The following DLGAP2 variants were observed in gnomAD, a reference collection of about 807,000 sequenced individuals.
DLGAP2 encodes DLG associated protein 2.
A neutral mutation model predicts 100.3 loss-of-function variants in DLGAP2; 26 were observed. That is an observed-to-expected ratio of 0.26 (90% CI 0.19 to 0.36). The LOEUF (loss-of-function observed/expected upper bound fraction) is 0.36, where lower values mean the gene tolerates loss of function less well. Ranked by LOEUF, DLGAP2 falls within the 10% of genes least tolerant of loss-of-function variation. The pLI, the probability that DLGAP2 is intolerant of heterozygous loss-of-function variation, is 1.00. For missense variants in DLGAP2, 1,858 were observed against 1,453.2 expected (o/e 1.28, Z -4.53); for synonymous variants, 886 against 630.1 (o/e 1.41, Z -6.08).
intron 1 of DLGAP2, among the ~76,000 whole-genome samples, chr8:830,347 A>G (rs1277611439): frequency 6.6e-6 from 1 of 152,184 alleles, no homozygotes; most frequent in Non-Finnish European, 1.5e-5. Flanking sequence ...GTACAATTAC[A>G]TTATTAAACT....
At chr8:1,201,579 G>GT (rs1797875062) in intron 2 of DLGAP2, among the ~76,000 whole-genome samples, 1 of 152,210 alleles carries the variant, frequency 6.6e-6, no homozygotes, top group Admixed American at 6.5e-5. Context: ...CACCCAGTGT[G>GT]TGGTCACCGG....
At chr8:968,566 C>A (rs943771367) in intron 2 of DLGAP2, among the ~76,000 whole-genome samples, 1 of 152,222 alleles carries the variant, frequency 6.6e-6, no homozygotes, top group Non-Finnish European at 1.5e-5. Flanking sequence ...CTAGCCTCCC[C>A]TGGTGGCGGC....
At chr8:1,445,119 G>C (rs1204694363) in intron 3 of DLGAP2, among the ~76,000 whole-genome samples, 1 of 150,132 alleles carries the variant, frequency 6.7e-6, no homozygotes, top group East Asian at 2.0e-4. Context: ...CTAAGTTTTA[G>C]GGTACATGTG....
intron 12 of DLGAP2, among the ~76,000 whole-genome samples, chr8:1,679,915 G>A (rs1585056824): frequency 6.9e-6 from 1 of 145,214 alleles, no homozygotes; most frequent in East Asian, 2.2e-4. Flanking sequence ...GGGAGGCAGA[G>A]GTTGCAGTGA....
rs1443714992 is a variant in DLGAP2 at position 1,018,228 on chromosome 8, A to T, written c.73+110262A>T. On this transcript the variant is annotated intron_variant, in intron 2 of 14. Coordinates refer to ENST00000637795, the MANE Select transcript of DLGAP2 (RefSeq NM_001346810.2). Reference sequence around the variant, plus strand: ...CTCCGTCCTCAGCTTGTCCCTGCTCAATCAGATGCGTTATCCCAGACTCTG... The same window carrying T: ...CTCCGTCCTCAGCTTGTCCCTGCTCTATCAGATGCGTTATCCCAGACTCTG... 2.0e-5 allele frequency among the ~76,000 whole-genome samples: 3 copies of T among 152,182 alleles called. No homozygotes were observed. The East Asian group carries it at 5.8e-4, about 30-fold the overall frequency.
intron 4 of DLGAP2, among the ~76,000 whole-genome samples, chr8:1,513,596 T>A (rs955795216): frequency 6.6e-6 from 1 of 152,216 alleles, no homozygotes; most frequent in South Asian, 2.1e-4. Context: ...AGCATTGAAT[T>A]TCTAACCTAA....
At chr8:983,080 G>T (rs1163252076) in intron 2 of DLGAP2, among the ~76,000 whole-genome samples, 1 of 152,108 alleles carries the variant, frequency 6.6e-6, no homozygotes, top group Non-Finnish European at 1.5e-5. Context: ...ATCAGGGCAG[G>T]GTGAACTTAC....
At chr8:897,603 C>T (rs546001615) in intron 1 of DLGAP2, among the ~76,000 whole-genome samples, 3 of 152,270 alleles carry the variant, frequency 2.0e-5, no homozygotes, top group South Asian at 2.1e-4. Flanking sequence ...CGAAGGGCTG[C>T]GTCTCACTCC....
At chr8:1,628,717 G>A (rs1362521124) in intron 7 of DLGAP2, among the ~76,000 whole-genome samples, 3 of 150,562 alleles carry the variant, frequency 2.0e-5, no homozygotes, top group African/African-American at 7.4e-5. Flanking sequence ...TGTGGAGCAG[G>A]AATTAAGAGC....
At chr8:1,685,018 A>C (rs1003184848) in intron 12 of DLGAP2, among the ~76,000 whole-genome samples, 1 of 152,136 alleles carries the variant, frequency 6.6e-6, no homozygotes, top group Non-Finnish European at 1.5e-5. Context: ...GGAGGAACAT[A>C]GGGATTTGCT....
At chr8:1,489,903 T>C (rs1472420553) in intron 3 of DLGAP2, among the ~76,000 whole-genome samples, 1 of 152,208 alleles carries the variant, frequency 6.6e-6, no homozygotes, top group African/African-American at 2.4e-5. Context: ...TATCAATTTT[T>C]TTTTTTAAGA....
At chr8:1,493,318 G>T (rs1305788653) in intron 3 of DLGAP2, among the ~76,000 whole-genome samples, 1 of 151,526 alleles carries the variant, frequency 6.6e-6, no homozygotes, top group Non-Finnish European at 1.5e-5. Flanking sequence ...CTCCATCTCC[G>T]TGGCTTTCAG....
rs546597380 is a variant in DLGAP2, at chr8:1,244,488, C to T, written c.74-14363C>T. Among the ~76,000 whole-genome samples, 65 of 152,264 alleles carry T rather than the reference C, an allele frequency of 4.3e-4. 1 individual carries two copies. Among genetic ancestry groups the T allele is most frequent in the Admixed American group, 1.9e-3 (29 of 15,294 alleles). On this transcript the variant is annotated intron_variant, in intron 2 of 14. Coordinates refer to ENST00000637795, the MANE Select transcript of DLGAP2 (RefSeq NM_001346810.2). ...AACATAGGAAGGGGCAATTAGTTCCCGATGGAGGGCTTGAGGCTGCCTCAC... is the reference window on the plus strand; with the variant it reads ...AACATAGGAAGGGGCAATTAGTTCCTGATGGAGGGCTTGAGGCTGCCTCAC...
chr8:848,899 TGCCTGTTCCAGCATAGGAAC>T (rs1797123642), intron 1 of DLGAP2, among the ~76,000 whole-genome samples: 2 of 136,258 alleles, frequency 1.5e-5, no homozygotes, highest in Non-Finnish European at 1.6e-5. Context: ...GAACGCGCGG[TGCCTGTTCCAGCATAGGAAC>T]GCGCGGTGCC....
rs1367556553 is a variant in DLGAP2 at position 1,417,731 on chromosome 8, A to G, written c.107-83635A>G. On this transcript the variant is annotated intron_variant, in intron 3 of 14. Transcript: ENST00000637795. ...CCTCACTCGGCGAGGCTCCAGACACAGAAGCCCACGGAGACCTATGAACGG... is the reference window on the plus strand; with the variant it reads ...CCTCACTCGGCGAGGCTCCAGACACGGAAGCCCACGGAGACCTATGAACGG... Among the ~76,000 whole-genome samples the G allele has an allele frequency of 3.3e-3, 42 of 12,816 alleles. 1 individual carries two copies. Among genetic ancestry groups the G allele is most frequent in the African/African-American group, 6.9e-3 (27 of 3,912 alleles). The allele number at this position is 12,816 out of a possible 152,430, so 8.4% of individuals were successfully genotyped here.
chr8:1,102,880 G>A (rs1347453153), intron 2 of DLGAP2, among the ~76,000 whole-genome samples: 1 of 151,738 alleles, frequency 6.6e-6, no homozygotes, highest in Admixed American at 6.6e-5. Flanking sequence ...TGGGGTCTCT[G>A]GTTTTCTGGG....
At chr8:1,626,909 C>A in intron 7 of DLGAP2, 22 bp downstream of exon 7, 1 of 1,570,946 alleles carries the variant, frequency 6.4e-7, no homozygotes. Context: ...TTCGCCCTTT[C>A]TCCCTGGGGT....
Position 840,920 on chromosome 8 carries a change from G to T in DLGAP2, c.19-66992G>T, listed in dbSNP as rs923203245. ...TCCCCTTGTGTATTCTGTTTGGCAG[G>T]ACTCAGCAGTGGCTGTGCCCTTTCA... On this transcript the variant is annotated intron_variant, in intron 1 of 14. Coordinates refer to ENST00000637795, the MANE Select transcript of DLGAP2 (RefSeq NM_001346810.2). 5.9e-5 allele frequency among the ~76,000 whole-genome samples: 9 copies of T among 152,222 alleles called. No individual in the cohort carries two copies. In the East Asian group the frequency reaches 1.5e-3, roughly 26 times the overall value.
chr8:1,288,214 T>TG (rs1351402036), intron 3 of DLGAP2, among the ~76,000 whole-genome samples: 44 of 123,176 alleles, frequency 3.6e-4, no homozygotes, highest in African/African-American at 1.5e-3. Context: ...TGTGTGTGTG[T>TG]GTGGTTAGGA....
Sources: allele counts gnomAD v4.1 joint callset (sites outside exome capture counted in the v4.1 genomes callset), GRCh38; gene constraint gnomAD v4.1.1; transcripts MANE v1.5; gene names NCBI Gene and HGNC (gene_info 2026-07-23, HGNC 2026-07-21).